The following PALB2 variants were observed in gnomAD, a reference collection of about 807,000 sequenced individuals.
PALB2 encodes the protein mutant partner and localizer of BRCA2.
Under a neutral mutation model 107.4 loss-of-function variants are expected in PALB2, and 82 were observed. The ratio of observed to expected loss-of-function variants is 0.76; its 90% CI spans 0.64 to 0.92. The LOEUF is 0.92. Ranked by LOEUF, PALB2 falls within the 40% of genes least tolerant of loss-of-function variation. The pLI, the probability that PALB2 is intolerant of heterozygous loss-of-function variation, is 0.00. For missense variants in PALB2, 1,374 were observed against 1,379.9 expected (o/e 1.00, Z 0.07); for synonymous variants, 489 against 496.8 (o/e 0.98, Z 0.21).
chr16:23,616,890 G>A (rs1966693232), intron 10 of PALB2, among the ~76,000 whole-genome samples: 1 of 151,266 alleles, frequency 6.6e-6, no homozygotes, highest in Non-Finnish European at 1.5e-5. Context: ...TCCGCTCACT[G>A]CAAGCTCCAC....
intron 1 of PALB2, chr16:23,638,420 T>G (rs1967120429): frequency 4.1e-6 from 2 of 488,500 alleles, no homozygotes; most frequent in Admixed American, 3.2e-5. Context: ...TCTCCAAATC[T>G]AGGTTAGACA....
chr16:23,603,257 A>AAAC lies in PALB2; in HGVS notation c.*199_*201dup, dbSNP rs2142249396. 1.8e-6 allele frequency: 1 copy of AAAC among 555,166 alleles called. No individual in the cohort carries two copies. The highest frequency in any genetic ancestry group is 3.0e-5 in the East Asian group (1 of 32,886). The allele number at this position is 555,166 out of a possible 1,614,324, so 34.4% of individuals were successfully genotyped here. A position where few individuals can be genotyped will look rare whatever the true frequency, so the allele number is the denominator to read the frequency against. The stretch of plus-strand genomic sequence containing the variant: ...GTGGGAAATTACAAAAATCAACCTA[A>AAAC]AACCCTTTTTCTCAAAGTATACATA... On this transcript the variant is annotated 3_prime_UTR_variant, in exon 13 of 13. Coordinates refer to ENST00000261584, the MANE Select transcript of PALB2 (RefSeq NM_024675.4).
chr16:23,626,343 C>T lies in PALB2; in HGVS notation c.2641G>A (p.Gly881Ser), dbSNP rs766315705. Residue 881 changes from glycine (G) to serine (S), a missense_variant, in exon 7 of 13, where the codon GGT becomes AGT. Transcript: ENST00000261584. Reference sequence around the variant, plus strand: ...GTTATGATACATGGCTCTTTACAACCGGCTCTTTCCCAAAACATGGCACTC... The same window carrying T: ...GTTATGATACATGGCTCTTTACAACTGGCTCTTTCCCAAAACATGGCACTC... ...DVSAMFWERAGCKEPCIITAC... is the reference protein window; with the variant it reads ...DVSAMFWERASCKEPCIITAC... The T allele has an allele frequency of 1.4e-5, 22 of 1,614,022 alleles. No individual in the cohort carries two copies. The highest frequency in any genetic ancestry group is 6.7e-5 in the East Asian group (3 of 44,886).
intron 10 of PALB2, among the ~76,000 whole-genome samples, chr16:23,618,520 T>C (rs1966721199): frequency 6.6e-6 from 1 of 151,980 alleles, no homozygotes; most frequent in Admixed American, 6.6e-5. Context: ...CTGTAAAGGT[T>C]TTCTTTTGAG....
At chr16:23,621,310 T>C in intron 10 of PALB2, 52 bp downstream of exon 10, 1 of 1,129,822 alleles carries the variant, frequency 8.9e-7, no homozygotes, top group Non-Finnish European at 1.4e-6. Flanking sequence ...AAATTAGAGG[T>C]ATATCCTCAT....
At chr16:23,622,216 A>G (rs368390513) in intron 9 of PALB2, among the ~76,000 whole-genome samples, 1 of 152,210 alleles carries the variant, frequency 6.6e-6, no homozygotes, top group African/African-American at 2.4e-5. Flanking sequence ...GGTGTCCCCA[A>G]TACGTCTAAT....
chr16:23,638,289 T>C (rs967365460), intron 1 of PALB2, among the ~76,000 whole-genome samples, 160 bp from the exon 2 acceptor site: 1 of 152,192 alleles, frequency 6.6e-6, no homozygotes, highest in African/African-American at 2.4e-5. Flanking sequence ...CTCTGACCAT[T>C]TCAGGATCTT....
chr16:23,611,376 C>T (rs1421193295), intron 11 of PALB2, among the ~76,000 whole-genome samples: 2 of 151,972 alleles, frequency 1.3e-5, no homozygotes, highest in Non-Finnish European at 2.9e-5. Flanking sequence ...GAACTCCTGA[C>T]CTCAGGTGAT....
intron 11 of PALB2, among the ~76,000 whole-genome samples, chr16:23,612,783 C>T (rs1036856360): frequency 2.4e-4 from 36 of 151,722 alleles, no homozygotes; most frequent in African/African-American, 7.0e-4. Flanking sequence ...GACGGAGTCT[C>T]GCTCTGTCGC....
rs2142458042 is a variant in PALB2, at chr16:23,637,955, A to G, written c.109-3T>C. On this transcript the variant is annotated splice_region_variant and splice_polypyrimidine_tract_variant and intron_variant, in intron 2 of 12. Transcript: ENST00000261584. ...ATCTTTTCAGCTCTTTGGGCACGCTAGAGGAGACAAAAACAGCCCCAGAAA... is the reference window on the plus strand; with the variant it reads ...ATCTTTTCAGCTCTTTGGGCACGCTGGAGGAGACAAAAACAGCCCCAGAAA... 1 of 1,612,748 alleles carries G rather than the reference A, an allele frequency of 6.2e-7. No homozygotes were observed. Among genetic ancestry groups the G allele is most frequent in the African/African-American group, 1.3e-5 (1 of 75,014 alleles).
intron 7 of PALB2, among the ~76,000 whole-genome samples, chr16:23,625,680 C>T (rs576054899): frequency 6.6e-6 from 1 of 152,198 alleles, no homozygotes; most frequent in East Asian, 1.9e-4. Context: ...ACCTGTAATC[C>T]CAGCTACTCA....
At chr16:23,607,467 ATT>A in intron 12 of PALB2, 1 of 243,314 alleles carries the variant, frequency 4.1e-6, no homozygotes, top group African/African-American at 2.2e-5. Context: ...ATATATATAT[ATT>A]TTTTTTGGTA....
Position 23,634,897 on chromosome 16 carries a change from T to C in PALB2, c.1649A>G (p.Lys550Arg). Residue 550 changes from lysine to arginine, a missense_variant, in exon 4 of 13, where the codon AAA becomes AGA. By Grantham distance (26) the Lys-to-Arg change is conservative (BLOSUM62 2). Coordinates refer to ENST00000261584, the MANE Select transcript of PALB2 (RefSeq NM_024675.4). Reference protein sequence around the residue: ...NRSKEEVTSHKYQHEKLFIQV... With the variant: ...NRSKEEVTSHRYQHEKLFIQV... ...AATAAATAATTTTTCGTGCTGATAT[T>C]TGTGTGAGGTGACTTCTTCCTTGGA... The C allele has an allele frequency of 6.2e-7, 1 of 1,614,090 alleles. No homozygotes were observed. The highest frequency in any genetic ancestry group is 2.2e-5 in the East Asian group (1 of 44,884).
At chr16:23,607,787 A>G in intron 12 of PALB2, 77 bp downstream of exon 12, 1 of 1,530,986 alleles carries the variant, frequency 6.5e-7, no homozygotes, top group South Asian at 1.1e-5. Context: ...TAAGTGACAC[A>G]AAAATATCTA....
In PALB2 at chr16:23,636,640, T is replaced by A. The variant is rs190171554; in HGVS notation, c.212-306A>T. 4.3e-4 allele frequency among the ~76,000 whole-genome samples: 66 copies of A among 152,316 alleles called. 1 individual carries two copies. The highest frequency in any genetic ancestry group is 1.5e-3 in the African/African-American group (61 of 41,584). ...CATATTTTTAAAAGTTCTGATTTTT[T>A]AAATTCTAATAATCTATGAAATTTT... is the stretch of plus-strand genomic sequence containing the variant. On this transcript the variant is annotated intron_variant, in intron 3 of 12. Coordinates refer to ENST00000261584, the MANE Select transcript of PALB2 (RefSeq NM_024675.4).
At position 23,626,271 on chromosome 16, in the gene PALB2, G is replaced by T. The variant is rs1555459939; in HGVS notation, c.2713C>A (p.Gln905Lys). The change falls in exon 7 of 13, where the codon CAG becomes AAG. Residue 905 changes from glutamine to lysine, a missense_variant. Gln to Lys is a moderately conservative substitution (Grantham distance 53, BLOSUM62 1). Transcript: ENST00000261584. ...TGCCAGGTATAAAGTTTTTCCCACT[G>T]CCAAGCATCCAGAGCTTTCCAAAGA... ...VSLWKALDAW[Q>K]WEKLYTWHFA... is the part of the protein sequence containing the mutation. 1 of 1,614,172 alleles carries T rather than the reference G, an allele frequency of 6.2e-7. No individual in the cohort carries two copies. Among genetic ancestry groups the T allele is most frequent in the Non-Finnish European group, 8.5e-7 (1 of 1,180,032 alleles).
chr16:23,615,332 T>C (rs1023008926), intron 10 of PALB2, among the ~76,000 whole-genome samples: 59 of 152,078 alleles, frequency 3.9e-4, no homozygotes, highest in Admixed American at 8.5e-4. Context: ...GAGCTTAGGG[T>C]CTCGCTCCAT....
chr16:23,628,433 T>C (rs1195362183), intron 6 of PALB2, among the ~76,000 whole-genome samples: 2 of 152,160 alleles, frequency 1.3e-5, no homozygotes, highest in African/African-American at 2.4e-5. Flanking sequence ...TGGGAGAGCT[T>C]CTGCACCCCC....
chr16:23,624,191 T>G, intron 7 of PALB2, 97 bp from the exon 8 acceptor site: 1 of 783,982 alleles, frequency 1.3e-6, no homozygotes, highest in Non-Finnish European at 2.2e-6. Context: ...GTATTCTCAC[T>G]GTACAAGGAT....
Sources: allele counts gnomAD v4.1 joint callset (sites outside exome capture counted in the v4.1 genomes callset), GRCh38; gene constraint gnomAD v4.1.1; transcripts MANE v1.5; gene names NCBI Gene and HGNC (gene_info 2026-07-23, HGNC 2026-07-21).